Variants in PCDHA1 observed in about 807,000 individuals in gnomAD.
PCDHA1 encodes the protein protocadherin alpha-1.
A neutral mutation model predicts 61.3 loss-of-function variants in PCDHA1; 42 were observed. The observed-to-expected ratio is 0.69, with a 90% confidence interval of 0.54 to 0.89. The LOEUF is 0.89. Ranked by LOEUF, PCDHA1 falls within the 40% of genes least tolerant of loss-of-function variation. PCDHA1 has a pLI of 0.00. For synonymous variants in PCDHA1, 610 were observed against 553.8 expected, an observed-to-expected ratio of 1.10 and a Z score of -1.43; for missense variants, 1,256 against 1,235.3, an observed-to-expected ratio of 1.02 and a Z score of -0.25.
chr5:140,866,703 G>A (rs553518884), intron 1 of PCDHA1: 1 of 152,106 alleles, frequency 6.6e-6, no homozygotes, highest in East Asian at 1.9e-4. Flanking sequence ...AGTGGATGAC[G>A]TGCACTAGTA....
intron 1 of PCDHA1, among the ~76,000 whole-genome samples, chr5:140,915,048 C>T (rs782399136): frequency 2.0e-5 from 3 of 151,284 alleles, no homozygotes; most frequent in East Asian, 1.9e-4. Context: ...TGGGTTCAAG[C>T]GATTCTCCTG....
chr5:140,871,044 A>G, intron 1 of PCDHA1: 1 of 1,613,304 alleles, frequency 6.2e-7, no homozygotes, highest in Non-Finnish European at 8.5e-7. Flanking sequence ...ACCGACTTCT[A>G]GTACTGGTGA....
intron 1 of PCDHA1, chr5:140,802,908 G>A (rs1357765961): frequency 6.2e-7 from 1 of 1,613,636 alleles, no homozygotes; most frequent in African/African-American, 1.3e-5. Flanking sequence ...GCCTCGGGTG[G>A]GTGGCATCGG....
chr5:140,838,086 GTGT>G (rs1775518307), intron 1 of PCDHA1, among the ~76,000 whole-genome samples: 1 of 64,264 alleles, frequency 1.6e-5, no homozygotes, highest in Non-Finnish European at 3.1e-5. Context: ...TAGTGTGTGT[GTGT>G]GTGTGTGTGT....
chr5:140,801,049 C>T (rs1170027374), intron 1 of PCDHA1: 29 of 1,438,438 alleles, frequency 2.0e-5, no homozygotes, highest in Non-Finnish European at 2.5e-5. Flanking sequence ...AAAGAAATAA[C>T]AGCGTGCATT....
At chr5:140,820,915 C>A (rs1258201028) in intron 1 of PCDHA1, among the ~76,000 whole-genome samples, 5 of 151,742 alleles carry the variant, frequency 3.3e-5, no homozygotes, top group Non-Finnish European at 7.4e-5. Context: ...TTCTATTATG[C>A]TTTTGATTTC....
intron 1 of PCDHA1, chr5:140,850,381 G>C (rs2041568642): frequency 2.5e-6 from 4 of 1,597,894 alleles, no homozygotes; most frequent in Non-Finnish European, 3.4e-6. Flanking sequence ...CTGTACACGG[G>C]CGAGATCAGC....
At chr5:140,823,138 G>A in intron 1 of PCDHA1, 1 of 1,613,824 alleles carries the variant, frequency 6.2e-7, no homozygotes, top group Non-Finnish European at 8.5e-7. Context: ...TCCGGCGTTC[G>A]CGCAGCCCCA....
At chr5:140,921,811 T>C (rs1484171257) in intron 1 of PCDHA1, among the ~76,000 whole-genome samples, 1 of 152,096 alleles carries the variant, frequency 6.6e-6, no homozygotes, top group Non-Finnish European at 1.5e-5. Context: ...ATAAGATACA[T>C]GTGTGAATAT....
intron 1 of PCDHA1, among the ~76,000 whole-genome samples, chr5:140,925,996 T>C (rs2082856637): frequency 6.6e-6 from 1 of 152,190 alleles, no homozygotes; most frequent in Non-Finnish European, 1.5e-5. Context: ...CTGGCTCCGC[T>C]GCCTCGAAAA....
chr5:140,831,520 CTTTTTTTT>C (rs35178185), intron 1 of PCDHA1, among the ~76,000 whole-genome samples: 1 of 122,416 alleles, frequency 8.2e-6, no homozygotes, highest in Non-Finnish European at 1.6e-5. Context: ...TGCCCCCCAC[CTTTTTTTT>C]TTTTTTTTTT....
intron 1 of PCDHA1, among the ~76,000 whole-genome samples, chr5:140,908,412 T>G (rs2073956005): frequency 6.6e-6 from 1 of 152,212 alleles, no homozygotes; most frequent in South Asian, 2.1e-4. Context: ...TTCCATTTGA[T>G]GATGGAATGC....
intron 1 of PCDHA1, chr5:140,876,536 T>C (rs782148318): frequency 1.2e-6 from 2 of 1,614,238 alleles, no homozygotes; most frequent in Non-Finnish European, 1.7e-6. Context: ...GTTACTTCAC[T>C]GTCGCTCCCT....
At chr5:140,834,364 A>G (rs2150215760) in intron 1 of PCDHA1, 1 of 1,553,394 alleles carries the variant, frequency 6.4e-7, no homozygotes, top group Non-Finnish European at 8.7e-7. Context: ...CTGACTAGAA[A>G]AACAAGCCAA....
rs1554203742 is a variant in PCDHA1 at position 140,926,854 on chromosome 5, G to A, written c.2395-52095G>A. 10 of 1,520,530 alleles carry A rather than the reference G, an allele frequency of 6.6e-6. No homozygotes were observed. In the South Asian group the frequency reaches 1.3e-4, roughly 20 times the overall value. The allele number at this position is 1,520,530 out of a possible 1,614,324, so 94.2% of individuals were successfully genotyped here. On this transcript the variant is annotated intron_variant, in intron 1 of 3. Transcript: ENST00000504120. Reference sequence around the variant, plus strand: ...GGAGCATGGTCCTGGGTCACCGTTGGTGTAGCGTGTTGGTGGAACGTGGAC... The same window carrying A: ...GGAGCATGGTCCTGGGTCACCGTTGATGTAGCGTGTTGGTGGAACGTGGAC...
chr5:140,851,112 C>A lies in PCDHA1; in HGVS notation c.2394+62428C>A. On this transcript the variant is annotated intron_variant, in intron 1 of 3. Coordinates refer to ENST00000504120, the MANE Select transcript of PCDHA1 (RefSeq NM_018900.4). ...AATAGATATTTTTTGGGTGCTGAAT[C>A]AATTTTATTTAAATTTGTGATTAAA... The A allele has an allele frequency of 5.4e-6, 7 of 1,301,380 alleles. 1 individual carries two copies. The highest frequency in any genetic ancestry group is 7.0e-6 in the Non-Finnish European group (7 of 1,004,338). 80.6% of individuals were successfully genotyped at this position (1,301,380 alleles called of 1,614,324 possible). A position where few individuals can be genotyped will look rare whatever the true frequency, so the allele number is the denominator to read the frequency against.
chr5:140,923,832 T>C (rs1584323997), intron 1 of PCDHA1, among the ~76,000 whole-genome samples: 1 of 152,306 alleles, frequency 6.6e-6, no homozygotes, highest in East Asian at 1.9e-4. Context: ...TCAGTGGCAG[T>C]TTAAATAGAG....
chr5:140,828,568 T>G lies in PCDHA1; in HGVS notation c.2394+39884T>G. 6.2e-7 allele frequency: 1 copy of G among 1,614,248 alleles called. No homozygotes were observed. Among genetic ancestry groups the G allele is most frequent in the African/African-American group, 1.3e-5 (1 of 75,060 alleles). On this transcript the variant is annotated intron_variant, in intron 1 of 3. Coordinates refer to ENST00000504120, the MANE Select transcript of PCDHA1 (RefSeq NM_018900.4). ...TGTTTCCACTGGAGGGCGCGTCCGA[T>G]GCAGATGTTGGCTCAAATTCCATCT...
rs185914290 is a variant in PCDHA1, at chr5:140,920,039, G to C, written c.2395-58910G>C. ...AGATGGAGACAGAGATTGGAGTGAT[G>C]TCAACAGCCACCAACACCTGGAAAA... On this transcript the variant is annotated intron_variant, in intron 1 of 3. Transcript: ENST00000504120. Among the ~76,000 whole-genome samples, 5 of 152,280 alleles carry C rather than the reference G, an allele frequency of 3.3e-5. No homozygotes were observed. In the South Asian group the frequency reaches 1.0e-3, roughly 32 times the overall value.
Sources: allele counts gnomAD v4.1 joint callset (sites outside exome capture counted in the v4.1 genomes callset), GRCh38; gene constraint gnomAD v4.1.1; transcripts MANE v1.5; gene names NCBI Gene and HGNC (gene_info 2026-07-23, HGNC 2026-07-21).